Variants in XKR7 observed in about 807,000 individuals in gnomAD.
XKR7 encodes the protein XK related 7, also known as XK-related protein 7.
XKR7 carries 11 observed loss-of-function variants against 42.2 expected under a neutral mutation model. The observed-to-expected ratio is 0.26, with a 90% CI of 0.16 to 0.43. The LOEUF (loss-of-function observed/expected upper bound fraction) is 0.43. XKR7 is among the 20% of genes least tolerant of loss of function. The pLI is 1.00. For missense variants in XKR7, 710 were observed against 802.2 expected, an observed-to-expected ratio of 0.89 and a Z score of 1.39; for synonymous variants, 346 against 366.4, an observed-to-expected ratio of 0.94 and a Z score of 0.64.
intron 1 of XKR7, chr20:31,970,529 G>T (rs1391041763): frequency 6.6e-6 from 1 of 152,206 alleles, no homozygotes; most frequent in Non-Finnish European, 1.5e-5. Flanking sequence ...TTTGCAAAAT[G>T]AGGAGGCTGG....
At chr20:31,984,526 C>T (rs2064528379) in intron 1 of XKR7, among the ~76,000 whole-genome samples, 1 of 152,140 alleles carries the variant, frequency 6.6e-6, no homozygotes, top group Non-Finnish European at 1.5e-5. Context: ...TTGGTGTAGA[C>T]AAGAATCAGT....
chr20:31,975,402 C>G (rs892993381), intron 1 of XKR7, among the ~76,000 whole-genome samples: 1 of 152,124 alleles, frequency 6.6e-6, no homozygotes, highest in African/African-American at 2.4e-5. Flanking sequence ...TCTCCATTGC[C>G]TGCAGTCCTT....
In XKR7 at chr20:31,995,418, C is replaced by T. The variant is rs1173064366; in HGVS notation, c.787+148C>T. 7 of 1,331,680 alleles carry T rather than the reference C, an allele frequency of 5.3e-6. No homozygotes were observed. Among genetic ancestry groups the T allele is most frequent in the Non-Finnish European group, 7.1e-6 (7 of 991,912 alleles). 82.5% of individuals were successfully genotyped at this position (1,331,680 alleles called of 1,614,324 possible). On this transcript the variant is annotated intron_variant, in intron 2 of 2. Transcript: ENST00000562532. This position sits in a 1 kb window ranked among gnomAD's most constrained non-coding sequence, Gnocchi z 4.1. ...GTTTAGGGAGGCCTGCCCCTTCTACCCTCACCACCCTCCAGGCCTCTCGAG... is the reference window on the plus strand; with the variant it reads ...GTTTAGGGAGGCCTGCCCCTTCTACTCTCACCACCCTCCAGGCCTCTCGAG...
intron 1 of XKR7, among the ~76,000 whole-genome samples, chr20:31,978,449 T>C (rs2064495768): frequency 6.6e-6 from 1 of 152,174 alleles, no homozygotes; most frequent in Non-Finnish European, 1.5e-5. Context: ...TGCAGAAAAA[T>C]TTAAACACTT....
Position 31,968,342 on chromosome 20 carries a change from A to C in XKR7, c.167A>C (p.Asp56Ala). The stretch of plus-strand genomic sequence containing the variant: ...CCGGGGCCGCGCTACGAGCTGCGGG[A>C]CTGCTGCTGGGTGCTGTGCGCGCTG... ...GGPGPRYELR[D>A]CCWVLCALLV... Residue 56 changes from aspartate to alanine, a missense_variant, in exon 1 of 3, where the codon GAC becomes GCC. Physicochemically the swap from Asp to Ala is moderately radical, Grantham distance 126. Around this residue, in one of 2 missense-constraint regions of XKR7, gnomAD observed 708 missense variants for 786.2 expected, o/e 0.90. Coordinates refer to ENST00000562532, the MANE Select transcript of XKR7 (RefSeq NM_001011718.2). This position sits in a 1 kb window ranked among gnomAD's most constrained non-coding sequence, Gnocchi z 4.5. 1 of 1,582,540 alleles carries C rather than the reference A, an allele frequency of 6.3e-7. No homozygotes were observed. Among genetic ancestry groups the C allele is most frequent in the Non-Finnish European group, 8.5e-7 (1 of 1,169,920 alleles).
At chr20:31,993,713 G>A (rs1236499730) in intron 1 of XKR7, among the ~76,000 whole-genome samples, 4 of 152,226 alleles carry the variant, frequency 2.6e-5, no homozygotes, top group South Asian at 4.1e-4. Flanking sequence ...GGTACTCACA[G>A]CATGGGGGAG....
intron 1 of XKR7, among the ~76,000 whole-genome samples, chr20:31,976,841 G>C (rs981775591): frequency 1.3e-5 from 2 of 152,180 alleles, no homozygotes; most frequent in African/African-American, 4.8e-5. Context: ...CACCTGGCTG[G>C]CTTTCCCGCT....
In XKR7 at chr20:31,991,107, G is replaced by T. The variant is rs1486156773; in HGVS notation, c.585-3961G>T. On this transcript the variant is annotated intron_variant, in intron 1 of 2. Coordinates refer to ENST00000562532, the MANE Select transcript of XKR7 (RefSeq NM_001011718.2). ...CAGAGGAGGGGGCAGGAGTGGGCAG[G>T]GAGGTGGGCAGGTGGCCCGTCAGGT... Among the ~76,000 whole-genome samples the T allele has an allele frequency of 2.0e-5, 3 of 152,164 alleles. No homozygotes were observed. In the South Asian group the frequency reaches 6.2e-4, roughly 31 times the overall value.
At chr20:31,983,947 CAATAAATA>C (rs59966453) in intron 1 of XKR7, among the ~76,000 whole-genome samples, 25 of 145,388 alleles carry the variant, frequency 1.7e-4, no homozygotes, top group African/African-American at 4.7e-4. Context: ...GACTCTGTCT[CAATAAATA>C]AATAAATAAA....
chr20:31,974,206 T>TA (rs1306606221), intron 1 of XKR7, among the ~76,000 whole-genome samples: 1 of 151,248 alleles, frequency 6.6e-6, no homozygotes, highest in Non-Finnish European at 1.5e-5. Flanking sequence ...AGAAAAAGCA[T>TA]AAAAAAGAGA....
chr20:31,982,108 TTTAG>T (rs753723674), intron 1 of XKR7, among the ~76,000 whole-genome samples: 3 of 152,204 alleles, frequency 2.0e-5, no homozygotes, highest in South Asian at 4.1e-4. Flanking sequence ...TACTTGATGA[TTTAG>T]TTAATCTTCA....
intron 1 of XKR7, among the ~76,000 whole-genome samples, chr20:31,990,179 C>CGTGTGTGTGTGTGTGTGT (rs56235886): frequency 4.2e-5 from 6 of 144,244 alleles, no homozygotes; most frequent in African/African-American, 1.5e-4. Flanking sequence ...AAATTCATTG[C>CGTGTGTGTGTGTGTGTGT]GTGTGTGTGT....
chr20:31,983,398 A>T (rs1382812404), intron 1 of XKR7, among the ~76,000 whole-genome samples: 1 of 152,226 alleles, frequency 6.6e-6, no homozygotes, highest in African/African-American at 2.4e-5. Flanking sequence ...TTGCGGGGTT[A>T]CAGGCAGTGG....
chr20:31,978,134 C>T (rs911280901), intron 1 of XKR7, among the ~76,000 whole-genome samples: 1 of 151,580 alleles, frequency 6.6e-6, no homozygotes, highest in Non-Finnish European at 1.5e-5. Context: ...TTGAGATGGT[C>T]ACGCTCTGTT....
Position 31,997,619 on chromosome 20 carries a change from TTGCGGAGGCCCCAGCCC to T in XKR7, c.*165_*181del, listed in dbSNP as rs1465496605. 3 of 692,806 alleles carry T rather than the reference TTGCGGAGGCCCCAGCCC, an allele frequency of 4.3e-6. No homozygotes were observed. In the African/African-American group the frequency reaches 5.4e-5, roughly 12 times the overall value. The allele number at this position is 692,806 out of a possible 1,614,324, so 42.9% of individuals were successfully genotyped here. Reference sequence around the variant, plus strand: ...GGTTCTTTCAGGGGAGGGGGCAGCCTTGCGGAGGCCCCAGCCCTGGGCCCCGTTTTCAGCCTTGTGGC... The same window carrying T: ...GGTTCTTTCAGGGGAGGGGGCAGCCTTGGGCCCCGTTTTCAGCCTTGTGGC... On this transcript the variant is annotated 3_prime_UTR_variant, in exon 3 of 3. Transcript: ENST00000562532.
chr20:31,995,313 C>A lies in XKR7; in HGVS notation c.787+43C>A. 1 of 1,531,470 alleles carries A rather than the reference C, an allele frequency of 6.5e-7. No individual in the cohort carries two copies. Among genetic ancestry groups the A allele is most frequent in the East Asian group, 2.5e-5 (1 of 40,718 alleles). 94.9% of individuals were successfully genotyped at this position (1,531,470 alleles called of 1,614,324 possible). A position where few individuals can be genotyped will look rare whatever the true frequency, so the allele number is the denominator to read the frequency against. ...CCCTCTGCGCCTGGGACCACCCCAC[C>A]GGGCCTTTCTCCCTGCTTCAGGCTC... On this transcript the variant is annotated intron_variant, in intron 2 of 2. Coordinates refer to ENST00000562532, the MANE Select transcript of XKR7 (RefSeq NM_001011718.2). This position sits in a 1 kb window ranked among gnomAD's most constrained non-coding sequence, Gnocchi z 4.1.
chr20:31,980,331 C>T (rs919679801), intron 1 of XKR7, among the ~76,000 whole-genome samples: 8 of 152,164 alleles, frequency 5.3e-5, no homozygotes, highest in Admixed American at 2.6e-4. Context: ...GAGCACTCAA[C>T]GTTAAGGGGT....
At position 31,995,749 on chromosome 20, in the gene XKR7, C is replaced by G. The variant is rs1253620679; in HGVS notation, c.787+479C>G. 6.6e-6 allele frequency among the ~76,000 whole-genome samples: 1 copy of G among 152,004 alleles called. No homozygotes were observed. The highest frequency in any genetic ancestry group is 2.4e-5 in the African/African-American group (1 of 41,366). On this transcript the variant is annotated intron_variant, in intron 2 of 2. Transcript: ENST00000562532. This position sits in a 1 kb window ranked among gnomAD's most constrained non-coding sequence, Gnocchi z 4.1. ...TCACTGGGGGGCCCCGGGGGGCCCT[C>G]CCAGGCCTAGTCCTGGCACCCATCC...
At chr20:31,980,097 A>T (rs2064504743) in intron 1 of XKR7, among the ~76,000 whole-genome samples, 1 of 150,922 alleles carries the variant, frequency 6.6e-6, no homozygotes, top group African/African-American at 2.5e-5. Flanking sequence ...TAGGGCCTAA[A>T]ATTAGTGGCT....
Sources: allele counts gnomAD v4.1 joint callset (sites outside exome capture counted in the v4.1 genomes callset), GRCh38; gene constraint gnomAD v4.1.1; regional missense constraint gnomAD v4.1.1; non-coding constraint Gnocchi (gnomAD v3.1); transcripts MANE v1.5; gene names NCBI Gene and HGNC (gene_info 2026-07-23, HGNC 2026-07-21).